Variants in N4BP2 observed in about 807,000 individuals in gnomAD.
The protein encoded by N4BP2 is NEDD4 binding protein 2.
In N4BP2, 91 loss-of-function variants were observed where a neutral mutation model predicts 152.8. That is an observed-to-expected ratio of 0.60 (90% CI 0.50 to 0.71). The LOEUF (loss-of-function observed/expected upper bound fraction) is 0.71. Among genes scored for constraint, N4BP2 ranks in the 30% least tolerant of loss-of-function variants. The pLI, the probability that N4BP2 is intolerant of heterozygous loss-of-function variation, is 0.00. For missense variants in N4BP2, 1,923 were observed against 2,059.1 expected, an observed-to-expected ratio of 0.93 and a Z score of 1.28; for synonymous variants, 646 against 705.3, an observed-to-expected ratio of 0.92 and a Z score of 1.33.
Position 40,121,146 on chromosome 4 carries a change from G to T in N4BP2, c.3035G>T (p.Gly1012Val). ...MPKRDPGKEV[G>V]MCTQTEPQDF... ...AAGAGAGACCCTGGAAAAGAAGTAG[G>T]CATGTGCACCCAGACTGAACCACAG... Residue 1012 changes from glycine to valine, a missense_variant, in exon 9 of 18, where the codon GGC becomes GTC. Physicochemically the swap from Gly to Val is moderately radical, Grantham distance 109. Coordinates refer to ENST00000261435, the MANE Select transcript of N4BP2 (RefSeq NM_018177.6). 2 of 1,614,078 alleles carry T rather than the reference G, an allele frequency of 1.2e-6. No homozygotes were observed. The highest frequency in any genetic ancestry group is 1.7e-6 in the Non-Finnish European group (2 of 1,180,026).
chr4:40,141,685 G>A (rs1034800697), intron 14 of N4BP2, among the ~76,000 whole-genome samples: 3 of 152,000 alleles, frequency 2.0e-5, no homozygotes, highest in African/African-American at 7.3e-5. Flanking sequence ...CAGACGGGGT[G>A]GCGGCCGGGC....
At chr4:40,171,589 T>TAAGGTAAAACAGAAGTAATCAGGTAAA in the N4BP2 span, among the ~76,000 whole-genome samples, 8 of 152,210 alleles carry the variant, frequency 5.3e-5, no homozygotes, top group African/African-American at 1.9e-4. Context: ...AGGTATTCTT[T>TAAGGTAAAACAGAAGTAATCAGGTAAA]ACAGAAGTAA....
chr4:40,137,629 C>T (rs575783909), intron 14 of N4BP2, among the ~76,000 whole-genome samples: 36 of 151,930 alleles, frequency 2.4e-4, no homozygotes, highest in African/African-American at 7.7e-4. Context: ...ATGGAAGTGT[C>T]GTGAAGGAAG....
intron 5 of N4BP2, among the ~76,000 whole-genome samples, chr4:40,107,622 G>C (rs1579043312): frequency 1.3e-5 from 2 of 151,890 alleles, no homozygotes; most frequent in South Asian, 2.1e-4. Flanking sequence ...GACCTTAGGT[G>C]GTCCGCCTGC....
At chr4:40,127,668 T>C (rs1233372477) in intron 12 of N4BP2, among the ~76,000 whole-genome samples, 2 of 151,946 alleles carry the variant, frequency 1.3e-5, no homozygotes, top group African/African-American at 4.8e-5. Context: ...AATATATATA[T>C]ATATTTTTTT....
the N4BP2 span, among the ~76,000 whole-genome samples, chr4:40,181,156 G>GA: frequency 1.3e-5 from 2 of 151,662 alleles, no homozygotes; most frequent in Non-Finnish European, 2.9e-5. Context: ...TCTCAAAAAA[G>GA]AAAAAAATAT....
chr4:40,147,658 C>T (rs974592784), intron 16 of N4BP2, among the ~76,000 whole-genome samples: 1 of 151,116 alleles, frequency 6.6e-6, no homozygotes, highest in African/African-American at 2.4e-5. Context: ...CCCTCCCAGA[C>T]GGGGCGGCTG....
intron 6 of N4BP2, among the ~76,000 whole-genome samples, chr4:40,112,803 A>G (rs567915290): frequency 7.2e-5 from 11 of 152,058 alleles, no homozygotes; most frequent in Non-Finnish European, 1.3e-4. Flanking sequence ...TCCTGGGTTC[A>G]ATCGATTCTC....
intron 2 of N4BP2, among the ~76,000 whole-genome samples, 167 bp downstream of exon 2, chr4:40,073,718 C>T (rs918804451): frequency 1.2e-4 from 19 of 152,134 alleles, no homozygotes; most frequent in South Asian, 4.2e-4. Context: ...CTCAGCCTCC[C>T]GAGTAGCTGG....
the N4BP2 span, among the ~76,000 whole-genome samples, chr4:40,179,094 CGCA>C: frequency 6.6e-6 from 1 of 152,074 alleles, no homozygotes; most frequent in African/African-American, 2.4e-5. Flanking sequence ...GGAGGCTGGG[CGCA>C]GCAGCTCATG....
At chr4:40,137,442 G>T (rs1452088064) in intron 14 of N4BP2, among the ~76,000 whole-genome samples, 1 of 152,128 alleles carries the variant, frequency 6.6e-6, no homozygotes. Flanking sequence ...TCCCAAAGTG[G>T]CTCTACCATT....
intron 1 of N4BP2, among the ~76,000 whole-genome samples, chr4:40,063,477 G>C (rs545668373): frequency 8.8e-4 from 134 of 152,276 alleles, no homozygotes; most frequent in African/African-American, 3.1e-3. Context: ...ACTATGCTTA[G>C]TTCATTCTAG....
At chr4:40,184,821 T>C in the N4BP2 span, among the ~76,000 whole-genome samples, 1 of 152,076 alleles carries the variant, frequency 6.6e-6, no homozygotes, top group African/African-American at 2.4e-5. Flanking sequence ...CTGGGCGTGG[T>C]GGCACACATT....
intron 1 of N4BP2, among the ~76,000 whole-genome samples, chr4:40,063,521 T>C (rs917576685): frequency 6.6e-6 from 1 of 152,166 alleles, no homozygotes; most frequent in Non-Finnish European, 1.5e-5. Flanking sequence ...GCCAGGGATC[T>C]GTTAGCAAAA....
At chr4:40,165,397 C>T in the N4BP2 span, among the ~76,000 whole-genome samples, 2 of 152,188 alleles carry the variant, frequency 1.3e-5, no homozygotes, top group African/African-American at 2.4e-5. Context: ...TACAGGTGTG[C>T]GGCACCATGT....
At chr4:40,067,145 C>A (rs2109891708) in intron 1 of N4BP2, among the ~76,000 whole-genome samples, 1 of 149,594 alleles carries the variant, frequency 6.7e-6, no homozygotes, top group East Asian at 2.0e-4. Context: ...GCAGCCTTGA[C>A]CTCCCCAGAC....
chr4:40,161,773 T>C (rs2109305217), downstream of N4BP2, among the ~76,000 whole-genome samples: 1 of 152,354 alleles, frequency 6.6e-6, no homozygotes, highest in Admixed American at 6.5e-5. Flanking sequence ...CTTTTGAATG[T>C]ATTCAAAGCT....
chr4:40,113,731 CT>C (rs1482072286), intron 7 of N4BP2, among the ~76,000 whole-genome samples: 2 of 152,046 alleles, frequency 1.3e-5, no homozygotes, highest in African/African-American at 4.8e-5. Context: ...CAGTATCTTA[CT>C]ACCTTTTTTG....
At chr4:40,141,725 G>A (rs1490751595) in intron 14 of N4BP2, among the ~76,000 whole-genome samples, 2 of 152,252 alleles carry the variant, frequency 1.3e-5, no homozygotes, top group African/African-American at 4.8e-5. Context: ...ACTTTGGGAG[G>A]CCAGGGCAGG....
Sources: gnomAD v4.1 joint callset for allele counts (sites outside exome capture counted in the v4.1 genomes callset) on GRCh38, gnomAD v4.1.1 for gene constraint, MANE v1.5 for transcripts, NCBI Gene and HGNC (gene_info 2026-07-23, HGNC 2026-07-21) for gene names.